ST7: variants seen among roughly 807,000 people sequenced by gnomAD.
The protein encoded by ST7 is suppressor of tumorigenicity 7 protein.
In ST7, 28 loss-of-function variants were observed where a neutral mutation model predicts 78.7. The observed-to-expected ratio is 0.36, with a 90% confidence interval of 0.26 to 0.49. The LOEUF is 0.49. Ranked by LOEUF, ST7 falls within the 20% of genes least tolerant of loss-of-function variation. ST7 has a pLI of 0.99. For missense variants in ST7, 418 were observed against 696.0 expected, an observed-to-expected ratio of 0.60 and a Z score of 4.49; for synonymous variants, 247 against 249.6, an observed-to-expected ratio of 0.99 and a Z score of 0.10.
intron 2 of ST7, among the ~76,000 whole-genome samples, chr7:117,106,945 C>T (rs756939063): frequency 3.3e-5 from 5 of 151,222 alleles, no homozygotes; most frequent in Admixed American, 6.6e-5. Context: ...AATGCCTTTG[C>T]GTCCTCATAG....
intron 1 of ST7, among the ~76,000 whole-genome samples, chr7:117,045,135 G>A (rs573816574): frequency 5.9e-5 from 9 of 152,042 alleles, no homozygotes; most frequent in Admixed American, 3.3e-4. Context: ...CCAAGACACC[G>A]TCTTCTGCCT....
Position 117,099,165 on chromosome 7 carries a change from A to G in ST7, c.152-597A>G, listed in dbSNP as rs921012538. 3.3e-5 allele frequency among the ~76,000 whole-genome samples: 5 copies of G among 151,454 alleles called. No homozygotes were observed. The East Asian group carries it at 9.7e-4, about 29-fold the overall frequency. The stretch of plus-strand genomic sequence containing the variant: ...ATTGACTCCATTTATTTCGATGACC[A>G]GTTTAAAAACCTTTTAAGTAAGTTG... On this transcript the variant is annotated intron_variant, in intron 1 of 15. Transcript: ENST00000323984.
At chr7:117,084,354 T>C (rs1799987330) in intron 1 of ST7, among the ~76,000 whole-genome samples, 1 of 152,030 alleles carries the variant, frequency 6.6e-6, no homozygotes, top group Admixed American at 6.6e-5. Flanking sequence ...AAAAGGAAGA[T>C]TGGACCACTG....
chr7:116,975,103 G>A (rs1180691816), intron 1 of ST7, among the ~76,000 whole-genome samples: 2 of 152,150 alleles, frequency 1.3e-5, no homozygotes, highest in South Asian at 2.1e-4. Flanking sequence ...AGGTTTAATG[G>A]ACTCACAGTT....
chr7:117,140,537 T>C (rs1805195481), intron 9 of ST7, among the ~76,000 whole-genome samples: 1 of 152,086 alleles, frequency 6.6e-6, no homozygotes, highest in South Asian at 2.1e-4. Context: ...AAATATGCCA[T>C]CATTTGCTTG....
intron 2 of ST7, among the ~76,000 whole-genome samples, chr7:117,103,488 C>T (rs570554672): frequency 9.1e-4 from 139 of 152,206 alleles, no homozygotes; most frequent in African/African-American, 3.1e-3. Context: ...GCACTGAGAA[C>T]GTACATTGGA....
chr7:117,179,912 G>T (rs1036621336), intron 10 of ST7, among the ~76,000 whole-genome samples: 5 of 152,138 alleles, frequency 3.3e-5, no homozygotes, highest in Non-Finnish European at 5.9e-5. Context: ...GAGTGCCACT[G>T]CAGTGGGCTG....
chr7:117,152,204 T>C (rs1372180328), intron 9 of ST7, among the ~76,000 whole-genome samples: 1 of 94,302 alleles, frequency 1.1e-5, no homozygotes, highest in Admixed American at 1.0e-4. Flanking sequence ...TATATATATA[T>C]ATATATATAT....
At chr7:116,995,459 G>T (rs1370435770) in intron 1 of ST7, among the ~76,000 whole-genome samples, 1 of 152,164 alleles carries the variant, frequency 6.6e-6, no homozygotes, top group Non-Finnish European at 1.5e-5. Context: ...AACTCTTCAT[G>T]GTGAGGTGAT....
chr7:117,147,929 G>T (rs1303013890), intron 9 of ST7, among the ~76,000 whole-genome samples: 2 of 151,910 alleles, frequency 1.3e-5, no homozygotes, highest in East Asian at 3.8e-4. Flanking sequence ...GAGAATTTAT[G>T]GTCACTTCCC....
In ST7 at chr7:117,229,899, C is replaced by T. The variant is rs1207155562; in HGVS notation, c.*42C>T. On this transcript the variant is annotated 3_prime_UTR_variant, in exon 16 of 16. Coordinates refer to ENST00000323984, the MANE Select transcript of ST7 (RefSeq NM_001369598.1). ...CACTCACCTCACCCGCCGCTGCCAC[C>T]ATCTCCTCTGTGCCAACTCCTTGTG... is the stretch of plus-strand genomic sequence containing the variant. The T allele has an allele frequency of 1.3e-6, 2 of 1,527,090 alleles. No homozygotes were observed. The highest frequency in any genetic ancestry group is 1.8e-6 in the Non-Finnish European group (2 of 1,100,464). The allele number at this position is 1,527,090 out of a possible 1,614,324, so 94.6% of individuals were successfully genotyped here. A position where few individuals can be genotyped will look rare whatever the true frequency, so the allele number is the denominator to read the frequency against.
intron 15 of ST7, among the ~76,000 whole-genome samples, chr7:117,228,299 A>G (rs1387146172): frequency 6.6e-6 from 1 of 152,178 alleles, no homozygotes. Flanking sequence ...CTATCTCATT[A>G]TTAGTTTGCT....
chr7:117,085,743 T>C (rs984306887), intron 1 of ST7, among the ~76,000 whole-genome samples: 5 of 152,174 alleles, frequency 3.3e-5, no homozygotes, highest in African/African-American at 1.2e-4. Flanking sequence ...CTCCCGATTT[T>C]TATGTAGAAA....
At chr7:117,044,032 T>A (rs1797364562) in intron 1 of ST7, among the ~76,000 whole-genome samples, 1 of 152,252 alleles carries the variant, frequency 6.6e-6, no homozygotes, top group South Asian at 2.1e-4. Context: ...TGAACCACTC[T>A]GCCTCTTGTC....
chr7:117,043,407 C>A (rs1797331022), intron 1 of ST7, among the ~76,000 whole-genome samples: 1 of 152,132 alleles, frequency 6.6e-6, no homozygotes, highest in African/African-American at 2.4e-5. Context: ...TTCAGTTTTT[C>A]CATTGTGGCC....
intron 1 of ST7, among the ~76,000 whole-genome samples, chr7:116,991,124 T>C (rs993372905): frequency 6.6e-6 from 1 of 152,240 alleles, no homozygotes; most frequent in South Asian, 2.1e-4. Context: ...TTATCTATTA[T>C]ACTTTTGATG....
intron 6 of ST7, among the ~76,000 whole-genome samples, chr7:117,132,378 T>G (rs1804433964): frequency 6.6e-6 from 1 of 151,830 alleles, no homozygotes; most frequent in African/African-American, 2.4e-5. Context: ...AAAAAAATTT[T>G]AGAAAATACT....
intron 1 of ST7, among the ~76,000 whole-genome samples, chr7:116,999,007 C>T (rs944116660): frequency 1.5e-4 from 23 of 152,206 alleles, no homozygotes; most frequent in South Asian, 6.2e-4. Context: ...AGGCATTTTG[C>T]ATGATAATCT....
intron 3 of ST7, among the ~76,000 whole-genome samples, chr7:117,127,400 C>G (rs1803941829): frequency 6.6e-6 from 1 of 151,808 alleles, no homozygotes; most frequent in Non-Finnish European, 1.5e-5. Context: ...GATTATGGAA[C>G]AGAGGGACAA....
Sources: allele counts gnomAD v4.1 joint callset (sites outside exome capture counted in the v4.1 genomes callset), GRCh38; gene constraint gnomAD v4.1.1; transcripts MANE v1.5; gene names NCBI Gene and HGNC (gene_info 2026-07-23, HGNC 2026-07-21).